TENM3: variants seen among roughly 807,000 people sequenced by gnomAD.
TENM3 encodes teneurin transmembrane protein 3.
In TENM3, 63 loss-of-function variants were observed where a neutral mutation model predicts 255.1. The observed-to-expected ratio is 0.25, with a 90% confidence interval of 0.20 to 0.30. TENM3 has a LOEUF of 0.30. Ranked by LOEUF, TENM3 falls within the 10% of genes least tolerant of loss-of-function variation. The pLI is 1.00. For synonymous variants in TENM3, 1,306 were observed against 1,322.3 expected (o/e 0.99, Z 0.27); for missense variants, 2,929 against 3,461.1 (o/e 0.85, Z 3.86).
chr4:181,509,395 A>C, the TENM3 span, among the ~76,000 whole-genome samples: 1 of 146,370 alleles, frequency 6.8e-6, no homozygotes, highest in African/African-American at 2.5e-5. Flanking sequence ...GCTAAGGTGC[A>C]ATTTTTTTTT....
chr4:182,722,322 A>C (rs1286058790), intron 13 of TENM3, among the ~76,000 whole-genome samples: 2 of 152,032 alleles, frequency 1.3e-5, no homozygotes, highest in African/African-American at 4.8e-5. Flanking sequence ...GGCATCTCTC[A>C]TGTGCTTCTA....
At chr4:181,637,734 T>C in the TENM3 span, among the ~76,000 whole-genome samples, 2 of 152,298 alleles carry the variant, frequency 1.3e-5, no homozygotes, top group South Asian at 2.1e-4. Context: ...CACTTACCAA[T>C]TGTAACATGT....
chr4:182,250,054 C>CTTTTTTTTTTTT (rs957483629), intron 1 of TENM3, among the ~76,000 whole-genome samples: 13 of 128,442 alleles, frequency 1.0e-4, no homozygotes, highest in South Asian at 2.4e-4. Context: ...TTTCTTTTTT[C>CTTTTTTTTTTTT]TTTTTTTTTT....
At chr4:182,683,732 G>C (rs535104189) in intron 11 of TENM3, among the ~76,000 whole-genome samples, 1 of 152,196 alleles carries the variant, frequency 6.6e-6, no homozygotes, top group South Asian at 2.1e-4. Flanking sequence ...ATTGTTTTTG[G>C]AAAACTGTCC....
At chr4:182,278,920 G>A (rs1213264428) in intron 1 of TENM3, among the ~76,000 whole-genome samples, 2 of 152,202 alleles carry the variant, frequency 1.3e-5, no homozygotes, top group Non-Finnish European at 2.9e-5. Flanking sequence ...GGCAGTAAGT[G>A]CCACAGAAGA....
the TENM3 span, among the ~76,000 whole-genome samples, chr4:181,707,851 C>T: frequency 1.3e-5 from 2 of 152,026 alleles, no homozygotes; most frequent in African/African-American, 4.8e-5. Context: ...ATGCATATCT[C>T]ATGGATTTTA....
At chr4:182,061,609 T>C in the TENM3 span, among the ~76,000 whole-genome samples, 1 of 152,104 alleles carries the variant, frequency 6.6e-6, no homozygotes, top group African/African-American at 2.4e-5. Context: ...CATGGGGTTA[T>C]GCAAAATCAG....
Position 182,792,050 on chromosome 4 carries a change from C to G in TENM3, c.5602-224C>G, listed in dbSNP as rs1206894687. ...AAAATAATGGTACTGTCGTGACAGG[C>G]AGCACATTGTGAATCTCGAGCCACT... On this transcript the variant is annotated intron_variant, in intron 25 of 27. Transcript: ENST00000511685. This position sits in a 1 kb window ranked among gnomAD's most constrained non-coding sequence, Gnocchi z 6.3. Among the ~76,000 whole-genome samples the G allele has an allele frequency of 6.6e-6, 1 of 152,164 alleles. No individual in the cohort carries two copies. Among genetic ancestry groups the G allele is most frequent in the East Asian group, 1.9e-4 (1 of 5,200 alleles).
the TENM3 span, among the ~76,000 whole-genome samples, chr4:182,137,949 T>G: frequency 6.6e-6 from 1 of 152,216 alleles, no homozygotes; most frequent in East Asian, 1.9e-4. Context: ...AAATGAAGAA[T>G]AGTAAATAAA....
the TENM3 span, among the ~76,000 whole-genome samples, chr4:181,823,755 A>G: frequency 6.6e-6 from 1 of 152,188 alleles, no homozygotes; most frequent in South Asian, 2.1e-4. Context: ...CTGGAAATGT[A>G]ACAACAAATT....
At chr4:182,604,788 A>G (rs1001673198) in intron 4 of TENM3, among the ~76,000 whole-genome samples, 1 of 152,216 alleles carries the variant, frequency 6.6e-6, no homozygotes, top group East Asian at 1.9e-4. Context: ...TGGATAGTTC[A>G]TTAGTTATGT....
the TENM3 span, among the ~76,000 whole-genome samples, chr4:181,888,618 G>GTGTGTGTGTGTGTGTGT: frequency 8.9e-6 from 1 of 111,780 alleles, no homozygotes; most frequent in African/African-American, 3.1e-5. Flanking sequence ...GTGTGTGTGT[G>GTGTGTGTGTGTGTGTGT]GAAAGAGAGA....
chr4:182,743,309 G>C lies in TENM3; in HGVS notation c.3519G>C (p.Leu1173=), dbSNP rs200651716. 1 of 1,614,006 alleles carries C rather than the reference G, an allele frequency of 6.2e-7. No individual in the cohort carries two copies. The highest frequency in any genetic ancestry group is 8.5e-7 in the Non-Finnish European group (1 of 1,179,886). ...GTCAAGCTGATGGTAACAAGTTACT[G>C]GCCCCAGTGGCGCTAGCTTGTGGGA... ...CNGQADGNKL[L]APVALACGID... is the part of the protein sequence containing the mutation. Residue 1173 remains leucine, a synonymous_variant, in exon 19 of 28, where the codon CTG becomes CTC. Coordinates refer to ENST00000511685, the MANE Select transcript of TENM3 (RefSeq NM_001080477.4).
chr4:181,492,250 C>T, the TENM3 span, among the ~76,000 whole-genome samples: 2 of 152,146 alleles, frequency 1.3e-5, no homozygotes, highest in African/African-American at 4.8e-5. Flanking sequence ...TAAAATTAAG[C>T]TTGTACACAT....
At chr4:181,568,309 G>A in the TENM3 span, among the ~76,000 whole-genome samples, 20 of 151,832 alleles carry the variant, frequency 1.3e-4, no homozygotes, top group African/African-American at 3.4e-4. Flanking sequence ...GATTACAGGC[G>A]CCCGCCACCA....
intron 1 of TENM3, among the ~76,000 whole-genome samples, chr4:182,154,920 G>T (rs1750599365): frequency 6.6e-6 from 1 of 152,146 alleles, no homozygotes; most frequent in Non-Finnish European, 1.5e-5. Flanking sequence ...TTCCCAACTT[G>T]TAATGAACAA....
intron 2 of TENM3, among the ~76,000 whole-genome samples, chr4:182,337,562 G>A (rs540749629): frequency 1.3e-5 from 2 of 152,238 alleles, no homozygotes; most frequent in South Asian, 4.2e-4. Context: ...TGAGGATGTG[G>A]AACAACTGAA....
chr4:181,480,670 G>A, the TENM3 span, among the ~76,000 whole-genome samples: 2 of 151,280 alleles, frequency 1.3e-5, no homozygotes, highest in African/African-American at 4.8e-5. Context: ...ATGGAGATAT[G>A]TAGTTTTATC....
At chr4:182,606,355 C>G (rs1047489410) in intron 4 of TENM3, among the ~76,000 whole-genome samples, 1 of 151,850 alleles carries the variant, frequency 6.6e-6, no homozygotes, top group Non-Finnish European at 1.5e-5. Flanking sequence ...GAAACCCCGT[C>G]TCTACGAAAA....
Sources: allele counts gnomAD v4.1 joint callset (sites outside exome capture counted in the v4.1 genomes callset), GRCh38; gene constraint gnomAD v4.1.1; non-coding constraint Gnocchi (gnomAD v3.1); transcripts MANE v1.5; gene names NCBI Gene and HGNC (gene_info 2026-07-23, HGNC 2026-07-21).